SPATA25: variants seen among roughly 807,000 people sequenced by gnomAD.
SPATA25 encodes spermatogenesis associated 25.
A neutral mutation model predicts 16.0 loss-of-function variants in SPATA25; 16 were observed. That is an observed-to-expected ratio of 1.00 (90% CI 0.68 to 1.52). SPATA25 has a LOEUF of 1.52. Among genes scored for constraint, SPATA25 ranks in the 40% most tolerant of loss-of-function variants. The pLI is 0.00. For missense variants in SPATA25, 285 were observed against 289.2 expected (o/e 0.99, Z 0.11); for synonymous variants, 115 against 118.5 (o/e 0.97, Z 0.19).
upstream of SPATA25, chr20:45,890,474 T>A (rs1986721335): frequency 6.2e-7 from 1 of 1,600,654 alleles, no homozygotes; most frequent in Admixed American, 1.7e-5. Context: ...ATAGAGCTGG[T>A]CCAAGAGATG....
upstream of SPATA25, chr20:45,887,711 C>A: frequency 1.2e-6 from 1 of 830,074 alleles, no homozygotes; most frequent in Non-Finnish European, 1.9e-6. Flanking sequence ...CACTTTACAG[C>A]GTTGACCTAT....
At chr20:45,888,854 C>T, upstream of SPATA25, 1 of 1,614,112 alleles carries the variant, frequency 6.2e-7, no homozygotes, top group Non-Finnish European at 8.5e-7. Context: ...CTAGGCGGCA[C>T]AGAGTCTGCA....
In SPATA25 at chr20:45,886,606, G is replaced by A. The variant is rs370043125; in HGVS notation, c.595C>T (p.Arg199Trp). 522 of 1,613,820 alleles carry A rather than the reference G, an allele frequency of 3.2e-4. 1 individual carries two copies. The highest frequency in any genetic ancestry group is 1.5e-3 in the South Asian group (133 of 91,048). The change falls in exon 2 of 2, where the codon CGG (arginine) becomes TGG (tryptophan). Residue 199 changes from arginine to tryptophan, a missense_variant. Coordinates refer to ENST00000372519, the MANE Select transcript of SPATA25 (RefSeq NM_080608.4). ...GTGTGGGCATGTGCCTGCTCCCACC[G>A]CGCCCCCTCCACAGCACCCTCTGGC... Reference protein sequence around the residue: ...PEPEGAVEGARWEQAHAHTAS... With the variant: ...PEPEGAVEGAWWEQAHAHTAS...
chr20:45,890,185 C>G (rs1171463644), upstream of SPATA25: 2 of 1,587,024 alleles, frequency 1.3e-6, no homozygotes, highest in African/African-American at 2.7e-5. Context: ...ACATGGGCTA[C>G]GGAGCCCTAG....
In SPATA25 at chr20:45,887,244, G is replaced by T. The variant is rs186132834; in HGVS notation, c.56-99C>A. 1.6e-4 allele frequency: 228 copies of T among 1,414,832 alleles called. No individual in the cohort carries two copies. In the African/African-American group the frequency reaches 2.5e-3, roughly 15 times the overall value. 87.6% of individuals were successfully genotyped at this position (1,414,832 alleles called of 1,614,324 possible). A position where few individuals can be genotyped will look rare whatever the true frequency, so the allele number is the denominator to read the frequency against. On this transcript the variant is annotated intron_variant, in intron 1 of 1. Transcript: ENST00000372519. ...GAGCAGAGCTTGGGGGCGTAACTAA[G>T]ACCAGCCCCAGCGGACTGTCTAGAG... is the stretch of plus-strand genomic sequence containing the variant.
intron 1 of SPATA25, among the ~76,000 whole-genome samples, 180 bp downstream of exon 1, chr20:45,887,356 A>G (rs1986524798): frequency 6.6e-6 from 1 of 152,236 alleles, no homozygotes; most frequent in South Asian, 2.1e-4. Flanking sequence ...ATTAATGAAT[A>G]GTGAGCAAGC....
upstream of SPATA25, chr20:45,888,797 G>C: frequency 6.2e-7 from 1 of 1,614,110 alleles, no homozygotes; most frequent in Non-Finnish European, 8.5e-7. Flanking sequence ...CTTTGGGCAG[G>C]TGGAGCCCAT....
chr20:45,887,421 G>T, intron 1 of SPATA25, 115 bp downstream of exon 1: 1 of 1,021,570 alleles, frequency 9.8e-7, no homozygotes. Flanking sequence ...TAAAAGAATT[G>T]ATTCTAGGGC....
upstream of SPATA25, chr20:45,890,774 TTCTC>T: frequency 6.2e-7 from 1 of 1,609,870 alleles, no homozygotes; most frequent in Non-Finnish European, 8.5e-7. Context: ...GCCCAGCTCT[TTCTC>T]CTCGATCTCG....
At chr20:45,890,511 C>T (rs1485058158), upstream of SPATA25, 16 of 1,599,788 alleles carry the variant, frequency 1.0e-5, no homozygotes, top group East Asian at 3.4e-4. Flanking sequence ...CGGCTGCGGC[C>T]CACCAGGCGG....
upstream of SPATA25, chr20:45,891,010 G>A (rs758744931): frequency 1.4e-6 from 2 of 1,464,164 alleles, no homozygotes; most frequent in Non-Finnish European, 1.8e-6. This position sits in a 1 kb window ranked among gnomAD's most constrained non-coding sequence, Gnocchi z 4.6. Context: ...CATAGGGCAG[G>A]CCAGCTGGCG....
At position 45,887,108 on chromosome 20, in the gene SPATA25, A is replaced by G. The variant is rs1429425179; in HGVS notation, c.93T>C (p.Cys31=). ...CCACCACCACTGGCTCTACAGGACTACAGAGGCCAAGGGACAAGCCTGGAG... is the reference window on the plus strand; with the variant it reads ...CCACCACCACTGGCTCTACAGGACTGCAGAGGCCAAGGGACAAGCCTGGAG... The part of the protein sequence containing the change: ...AASPGLSLGL[C]SPVEPVVVAS... Residue 31 remains cysteine (C), a synonymous_variant, in exon 2 of 2, where the codon TGT becomes TGC. Coordinates refer to ENST00000372519, the MANE Select transcript of SPATA25 (RefSeq NM_080608.4). 1.9e-6 allele frequency: 3 copies of G among 1,601,602 alleles called. No individual in the cohort carries two copies. The highest frequency in any genetic ancestry group is 2.7e-5 in the African/African-American group (2 of 74,880).
At chr20:45,889,493 C>T (rs1307883198), upstream of SPATA25, among the ~76,000 whole-genome samples, 3 of 152,222 alleles carry the variant, frequency 2.0e-5, no homozygotes, top group East Asian at 3.9e-4. Context: ...GCTGGGACTA[C>T]AGGCATGCAC....
chr20:45,890,777 T>A (rs1257137014), upstream of SPATA25: 13 of 1,608,446 alleles, frequency 8.1e-6, no homozygotes, highest in Non-Finnish European at 9.3e-6. Context: ...CAGCTCTTTC[T>A]CCTCGATCTC....
Position 45,886,687 on chromosome 20 carries a change from C to G in SPATA25, c.514G>C (p.Val172Leu). 1 of 1,614,182 alleles carries G rather than the reference C, an allele frequency of 6.2e-7. No individual in the cohort carries two copies. Among genetic ancestry groups the G allele is most frequent in the African/African-American group, 1.3e-5 (1 of 75,064 alleles). Reference sequence around the variant, plus strand: ...GCCCAGATCAGGTCCTCTTCCCGAACTCCTGGGACGGGCACGGTGGGGATG... The same window carrying G: ...GCCCAGATCAGGTCCTCTTCCCGAAGTCCTGGGACGGGCACGGTGGGGATG... ...AGIPTVPVPG[V>L]REEDLIWAAQ... is the part of the protein sequence containing the mutation. Residue 172 changes from valine (V) to leucine (L), a missense_variant, in exon 2 of 2, where the codon GTT (valine) becomes CTT (leucine). Coordinates refer to ENST00000372519, the MANE Select transcript of SPATA25 (RefSeq NM_080608.4).
chr20:45,886,936 T>A lies in SPATA25; in HGVS notation c.265A>T (p.Asn89Tyr). Residue 89 changes from asparagine to tyrosine, a missense_variant, in exon 2 of 2, where the codon AAC becomes TAC. Transcript: ENST00000372519. ...WETLRKEYSR[N>Y]CHKFPHVRQL... is the part of the protein sequence containing the mutation. ...CTCACATGCGGGAATTTGTGGCAGTTTCGGCTGTATTCCTTCCGTAGTGTC... is the reference window on the plus strand; with the variant it reads ...CTCACATGCGGGAATTTGTGGCAGTATCGGCTGTATTCCTTCCGTAGTGTC... 6.2e-7 allele frequency: 1 copy of A among 1,614,122 alleles called. No individual in the cohort carries two copies. Among genetic ancestry groups the A allele is most frequent in the East Asian group, 2.2e-5 (1 of 44,880 alleles).
Position 45,886,696 on chromosome 20 carries a change from C to T in SPATA25, c.505G>A (p.Val169Ile), listed in dbSNP as rs75341861. The change falls in exon 2 of 2, where the codon GTC becomes ATC. Residue 169 changes from valine (V) to isoleucine (I), a missense_variant. By Grantham distance (29) the Val-to-Ile change is conservative. Coordinates refer to ENST00000372519, the MANE Select transcript of SPATA25 (RefSeq NM_080608.4). Reference sequence around the variant, plus strand: ...AGGTCCTCTTCCCGAACTCCTGGGACGGGCACGGTGGGGATGCCAGCGATC... The same window carrying T: ...AGGTCCTCTTCCCGAACTCCTGGGATGGGCACGGTGGGGATGCCAGCGATC... The part of the protein sequence containing the change: ...MMIAGIPTVP[V>I]PGVREEDLIW... The T allele has an allele frequency of 1.7e-3, 2,818 of 1,614,124 alleles. 50 individuals carry two copies. The African/African-American group carries it at 0.033, about 19-fold the overall frequency.
chr20:45,890,686 G>A (rs768629893), upstream of SPATA25: 1 of 1,613,744 alleles, frequency 6.2e-7, no homozygotes, highest in East Asian at 2.2e-5. Context: ...TGACCAGATC[G>A]GGCAGAGAAA....
At chr20:45,887,508 C>T (rs774435024) in intron 1 of SPATA25, 28 bp downstream of exon 1, 2 of 1,610,710 alleles carry the variant, frequency 1.2e-6, no homozygotes, top group Admixed American at 1.7e-5. Context: ...TGCCGCACTC[C>T]CTCCAATTGC....
Sources: allele counts gnomAD v4.1 joint callset (sites outside exome capture counted in the v4.1 genomes callset), GRCh38; gene constraint gnomAD v4.1.1; non-coding constraint Gnocchi (gnomAD v3.1); transcripts MANE v1.5; gene names NCBI Gene and HGNC (gene_info 2026-07-23, HGNC 2026-07-21).